Variants in SEZ6L observed in about 807,000 individuals in gnomAD.
SEZ6L encodes seizure 6-like protein.
A neutral mutation model predicts 106.2 loss-of-function variants in SEZ6L; 37 were observed. That is an observed-to-expected ratio of 0.35 (90% CI 0.27 to 0.46). The LOEUF (loss-of-function observed/expected upper bound fraction) is 0.46. SEZ6L is among the 20% of genes least tolerant of loss of function. SEZ6L has a pLI of 1.00. For missense variants in SEZ6L, 1,172 were observed against 1,332.8 expected (o/e 0.88, Z 1.88); for synonymous variants, 541 against 570.4 (o/e 0.95, Z 0.73).
intron 11 of SEZ6L, among the ~76,000 whole-genome samples, chr22:26,349,910 A>G (rs1249132190): frequency 1.3e-5 from 2 of 151,918 alleles, no homozygotes; most frequent in Non-Finnish European, 2.9e-5. Context: ...CCTTTTATCT[A>G]TATTGATTTT....
chr22:26,314,928 T>C (rs1420502667), intron 9 of SEZ6L, among the ~76,000 whole-genome samples: 1 of 152,144 alleles, frequency 6.6e-6, no homozygotes, highest in African/African-American at 2.4e-5. Flanking sequence ...TCATGCTCTT[T>C]CCACTGCCCC....
intron 11 of SEZ6L, among the ~76,000 whole-genome samples, chr22:26,349,258 G>T (rs1374987409): frequency 6.6e-6 from 1 of 152,082 alleles, no homozygotes; most frequent in African/African-American, 2.4e-5. Flanking sequence ...TGGCACAATG[G>T]TCTCCCCATA....
Position 26,373,494 on chromosome 22 carries a change from G to T in SEZ6L, c.2827+11G>T. On this transcript the variant is annotated intron_variant, in intron 14 of 16. Transcript: ENST00000248933. ...AACATGCTTTAGAAGGTGAGTTCCAGAACGAAAAAAAAAAAAGTTCAATAA... is the reference window on the plus strand; with the variant it reads ...AACATGCTTTAGAAGGTGAGTTCCATAACGAAAAAAAAAAAAGTTCAATAA... 3 of 1,481,678 alleles carry T rather than the reference G, an allele frequency of 2.0e-6. No homozygotes were observed. Among genetic ancestry groups the T allele is most frequent in the East Asian group, 2.7e-5 (1 of 37,218 alleles). The allele number at this position is 1,481,678 out of a possible 1,614,324, so 91.8% of individuals were successfully genotyped here.
At chr22:26,324,266 C>G (rs552737349) in intron 9 of SEZ6L, among the ~76,000 whole-genome samples, 1 of 152,180 alleles carries the variant, frequency 6.6e-6, no homozygotes, top group African/African-American at 2.4e-5. Context: ...AAGTCTCAAT[C>G]AGGCTCCAGC....
At chr22:26,342,533 C>CAA (rs58902625) in intron 10 of SEZ6L, among the ~76,000 whole-genome samples, 5,272 of 144,628 alleles carry the variant, frequency 0.036, 328 homozygotes, top group African/African-American at 0.12. Context: ...ACTAAAAATA[C>CAA]AAAAAAAAAA....
At chr22:26,290,600 G>T (rs749185317) in intron 1 of SEZ6L, among the ~76,000 whole-genome samples, 1 of 152,154 alleles carries the variant, frequency 6.6e-6, no homozygotes, top group Admixed American at 6.5e-5. Flanking sequence ...AAAATAAATC[G>T]CAAGGATGGG....
At chr22:26,262,467 C>T (rs2080046680) in intron 1 of SEZ6L, among the ~76,000 whole-genome samples, 1 of 152,120 alleles carries the variant, frequency 6.6e-6, no homozygotes, top group Admixed American at 6.6e-5. Flanking sequence ...TTCATTTATT[C>T]TTGTATTCAA....
intron 1 of SEZ6L, among the ~76,000 whole-genome samples, chr22:26,184,423 C>A (rs1350881739): frequency 6.6e-6 from 1 of 152,166 alleles, no homozygotes; most frequent in Non-Finnish European, 1.5e-5. Flanking sequence ...TAGTAACGAG[C>A]CTGCTCTAGT....
intron 1 of SEZ6L, among the ~76,000 whole-genome samples, chr22:26,272,521 G>C (rs2080403068): frequency 6.6e-6 from 1 of 152,206 alleles, no homozygotes; most frequent in African/African-American, 2.4e-5. Flanking sequence ...AGACTGCATA[G>C]GCAGGGGTGA....
intron 1 of SEZ6L, among the ~76,000 whole-genome samples, chr22:26,199,601 T>C (rs1940797458): frequency 6.6e-6 from 1 of 152,210 alleles, no homozygotes; most frequent in South Asian, 2.1e-4. Flanking sequence ...TACCTCTCGA[T>C]GCTTCCAGGG....
chr22:26,277,204 T>C (rs189831184), intron 1 of SEZ6L, among the ~76,000 whole-genome samples: 145 of 149,366 alleles, frequency 9.7e-4, no homozygotes, highest in African/African-American at 3.2e-3. Context: ...GCTCAAGCAA[T>C]CCTCCCACCT....
chr22:26,338,295 C>G (rs2082706946), intron 9 of SEZ6L, among the ~76,000 whole-genome samples: 1 of 152,238 alleles, frequency 6.6e-6, no homozygotes. Context: ...CTATGCCTAT[C>G]CCCATACCCC....
intron 9 of SEZ6L, among the ~76,000 whole-genome samples, chr22:26,320,031 C>G (rs952116746): frequency 2.6e-5 from 4 of 152,152 alleles, no homozygotes; most frequent in African/African-American, 9.7e-5. Context: ...TATTACATGA[C>G]AGGGAACCTG....
intron 10 of SEZ6L, among the ~76,000 whole-genome samples, chr22:26,343,809 T>G (rs1281556759): frequency 6.6e-6 from 1 of 152,182 alleles, no homozygotes; most frequent in East Asian, 1.9e-4. Flanking sequence ...GTTATTCCTG[T>G]TAAAGAAACA....
chr22:26,310,980 G>C, intron 7 of SEZ6L, 144 bp downstream of exon 7: 1 of 775,876 alleles, frequency 1.3e-6, no homozygotes, highest in African/African-American at 1.7e-5. Flanking sequence ...CCAAAGACAG[G>C]CTCTTGGTTT....
chr22:26,179,295 T>TG (rs1481187338), intron 1 of SEZ6L, among the ~76,000 whole-genome samples: 5 of 151,994 alleles, frequency 3.3e-5, no homozygotes, highest in South Asian at 2.1e-4. Context: ...GAGGCTGAGA[T>TG]GGGGGGATCC....
rs563778618 is a variant in SEZ6L at position 26,337,944 on chromosome 22, C to A, written c.2016-2492C>A. On this transcript the variant is annotated intron_variant, in intron 9 of 16. Transcript: ENST00000248933. The stretch of plus-strand genomic sequence containing the variant: ...CCCTCCCAGAAGCAAACTTTCAATA[C>A]CTTTCTTTGTGTTTCTGTTGTTTTG... Among the ~76,000 whole-genome samples, 333 of 152,242 alleles carry A rather than the reference C, an allele frequency of 2.2e-3. 1 individual carries two copies. The highest frequency in any genetic ancestry group is 3.4e-3 in the Non-Finnish European group (234 of 68,006).
intron 12 of SEZ6L, among the ~76,000 whole-genome samples, chr22:26,362,596 G>A (rs2083670718): frequency 6.6e-6 from 1 of 152,180 alleles, no homozygotes; most frequent in Non-Finnish European, 1.5e-5. Context: ...CAGGAATGAT[G>A]TCTGATTCAC....
intron 5 of SEZ6L, among the ~76,000 whole-genome samples, chr22:26,303,407 G>GA (rs2081514177): frequency 1.3e-5 from 2 of 152,176 alleles, no homozygotes; most frequent in South Asian, 2.1e-4. Context: ...ATACAAAAAG[G>GA]AAAAAATATT....
Sources: gnomAD v4.1 joint callset for allele counts (sites outside exome capture counted in the v4.1 genomes callset) on GRCh38, gnomAD v4.1.1 for gene constraint, MANE v1.5 for transcripts, NCBI Gene and HGNC (gene_info 2026-07-23, HGNC 2026-07-21) for gene names.